The following ALMS1 variants were observed in gnomAD, a reference collection of about 807,000 sequenced individuals.
ALMS1 encodes ALMS1 centrosome and basal body associated protein, also known as centrosome-associated protein ALMS1.
Under a neutral mutation model 352.2 loss-of-function variants are expected in ALMS1, and 271 were observed. The ratio of observed to expected loss-of-function variants is 0.77; its 90% CI spans 0.70 to 0.85. The LOEUF (loss-of-function observed/expected upper bound fraction) is 0.85, where lower values mean the gene tolerates loss of function less well. Among genes scored for constraint, ALMS1 ranks in the 40% least tolerant of loss-of-function variants. ALMS1 has a pLI of 0.00. For synonymous variants in ALMS1, 1,865 were observed against 1,761.2 expected (o/e 1.06, Z -1.48); for missense variants, 5,445 against 4,870.7 (o/e 1.12, Z -3.51).
intron 1 of ALMS1, among the ~76,000 whole-genome samples, chr2:73,389,262 T>G (rs1670595387): frequency 6.6e-6 from 1 of 152,168 alleles, no homozygotes; most frequent in African/African-American, 2.4e-5. Flanking sequence ...TGTTCAGTCT[T>G]TTGCCCGCTT....
At chr2:73,527,616 C>T (rs1324113397) in intron 11 of ALMS1, among the ~76,000 whole-genome samples, 1 of 151,902 alleles carries the variant, frequency 6.6e-6, no homozygotes, top group Non-Finnish European at 1.5e-5. Context: ...TAATGTCTCC[C>T]TTCTTAATCT....
chr2:73,485,214 T>C (rs917453270), intron 9 of ALMS1, among the ~76,000 whole-genome samples: 22 of 152,236 alleles, frequency 1.4e-4, no homozygotes, highest in African/African-American at 3.4e-4. Context: ...TTTTATCTAC[T>C]TTTGGTCTTT....
chr2:73,452,819 A>G lies in ALMS1; in HGVS notation c.6292A>G (p.Arg2098Gly), dbSNP rs774256170. 1.2e-6 allele frequency: 2 copies of G among 1,613,718 alleles called. No homozygotes were observed. The highest frequency in any genetic ancestry group is 3.3e-5 in the Admixed American group (2 of 59,942). The stretch of plus-strand genomic sequence containing the variant: ...ATCTCTCTCTAGTTCTTATTTTCAC[A>G]GAGAGAAATCGAATATTTTCAGTCC... The part of the protein sequence containing the change: ...PVSLSSSYFH[R>G]EKSNIFSPQE... Residue 2098 changes from arginine to glycine, a missense_variant, in exon 8 of 23, where the codon AGA (arginine) becomes GGA (glycine). Physicochemically the swap from Arg to Gly is moderately radical, Grantham distance 125. Transcript: ENST00000613296.
At chr2:73,428,954 A>G (rs913080862) in intron 6 of ALMS1, among the ~76,000 whole-genome samples, 3 of 152,184 alleles carry the variant, frequency 2.0e-5, no homozygotes, top group Non-Finnish European at 4.4e-5. Context: ...GTATCCACGT[A>G]TGTATGATGG....
In ALMS1 at chr2:73,474,423, A is replaced by G. The variant is rs184720279; in HGVS notation, c.7675-15211A>G. 3.0e-3 allele frequency among the ~76,000 whole-genome samples: 379 copies of G among 125,022 alleles called. 4 individuals carry two copies. The highest frequency in any genetic ancestry group is 0.013 in the African/African-American group (365 of 28,972). 82.0% of individuals were successfully genotyped at this position (125,022 alleles called of 152,430 possible). ...TGTGTGTGTGTGTCTATTGGTTTAC[A>G]TGACGGTGAAGAACTACTTATTTCT... On this transcript the variant is annotated intron_variant, in intron 9 of 22. Transcript: ENST00000613296.
chr2:73,588,833 A>G (rs1573043646), intron 16 of ALMS1, among the ~76,000 whole-genome samples: 1 of 152,184 alleles, frequency 6.6e-6, no homozygotes, highest in Non-Finnish European at 1.5e-5. Flanking sequence ...TTAATGTTTC[A>G]TATATTTTTG....
chr2:73,475,146 A>G (rs1016725730), intron 9 of ALMS1, among the ~76,000 whole-genome samples: 1 of 152,144 alleles, frequency 6.6e-6, no homozygotes, highest in Non-Finnish European at 1.5e-5. Context: ...ATTAGTTGGT[A>G]GACATTTGGA....
rs1671976611 is a variant in ALMS1 at position 73,452,834 on chromosome 2, A to G, written c.6307A>G (p.Ile2103Val). 1 of 1,613,842 alleles carries G rather than the reference A, an allele frequency of 6.2e-7. No homozygotes were observed. Among genetic ancestry groups the G allele is most frequent in the Non-Finnish European group, 8.5e-7 (1 of 1,179,974 alleles). Residue 2103 changes from isoleucine to valine, a missense_variant, in exon 8 of 23, where the codon ATT becomes GTT. Transcript: ENST00000613296. ...TTATTTTCACAGAGAGAAATCGAATATTTTCAGTCCACAGGAATTGCCAGG... is the reference window on the plus strand; with the variant it reads ...TTATTTTCACAGAGAGAAATCGAATGTTTTCAGTCCACAGGAATTGCCAGG... ...SSYFHREKSN[I>V]FSPQELPGSH...
chr2:73,565,263 G>T (rs1674778945), intron 15 of ALMS1, among the ~76,000 whole-genome samples: 1 of 152,054 alleles, frequency 6.6e-6, no homozygotes, highest in Non-Finnish European at 1.5e-5. Flanking sequence ...CTTTTGTGGT[G>T]CCAGAAAGTA....
At chr2:73,488,328 G>A (rs1004081415) in intron 9 of ALMS1, among the ~76,000 whole-genome samples, 1 of 152,230 alleles carries the variant, frequency 6.6e-6, no homozygotes. Flanking sequence ...CCAAGTGTGC[G>A]CACACCTGGC....
chr2:73,442,339 A>G (rs369923641), intron 7 of ALMS1, among the ~76,000 whole-genome samples: 13 of 152,130 alleles, frequency 8.5e-5, no homozygotes, highest in East Asian at 3.8e-4. Context: ...CTGACCTATG[A>G]TGATGGGCAC....
chr2:73,402,517 C>T (rs1346331471), intron 1 of ALMS1, among the ~76,000 whole-genome samples: 10 of 151,914 alleles, frequency 6.6e-5, no homozygotes, highest in Admixed American at 1.3e-4. Context: ...CAGTGATCCT[C>T]CCACCGTGTT....
chr2:73,415,138 T>A (rs1671160888), intron 2 of ALMS1, among the ~76,000 whole-genome samples: 1 of 152,212 alleles, frequency 6.6e-6, no homozygotes, highest in African/African-American at 2.4e-5. Context: ...AGAATGCTTA[T>A]ATGTTGTCCC....
chr2:73,404,145 C>T (rs748468474), intron 1 of ALMS1, among the ~76,000 whole-genome samples: 8 of 152,196 alleles, frequency 5.3e-5, no homozygotes, highest in South Asian at 2.1e-4. Flanking sequence ...GTGATCCACC[C>T]GCCTTGGCCT....
chr2:73,600,473 A>G (rs1675651760), intron 17 of ALMS1, among the ~76,000 whole-genome samples: 1 of 152,124 alleles, frequency 6.6e-6, no homozygotes, highest in Non-Finnish European at 1.5e-5. Context: ...AGTTACAAAT[A>G]AAACCCTTTC....
chr2:73,461,135 G>A (rs1464091003), intron 9 of ALMS1, among the ~76,000 whole-genome samples: 2 of 152,222 alleles, frequency 1.3e-5, no homozygotes, highest in Non-Finnish European at 2.9e-5. Flanking sequence ...TGGGCAGACT[G>A]CCTCCTCAAG....
At chr2:73,595,558 T>G (rs1056214610) in intron 16 of ALMS1, among the ~76,000 whole-genome samples, 1 of 152,230 alleles carries the variant, frequency 6.6e-6, no homozygotes, top group Non-Finnish European at 1.5e-5. Flanking sequence ...ACATTTGGAT[T>G]GTTTGATTTT....
intron 22 of ALMS1, among the ~76,000 whole-genome samples, chr2:73,608,807 G>T (rs2104217064): frequency 6.6e-6 from 1 of 152,312 alleles, no homozygotes; most frequent in Non-Finnish European, 1.5e-5. Flanking sequence ...GCATTCGTTT[G>T]CAGTGAAACC....
intron 12 of ALMS1, among the ~76,000 whole-genome samples, chr2:73,543,445 C>G (rs1011303852): frequency 6.6e-6 from 1 of 152,192 alleles, no homozygotes; most frequent in African/African-American, 2.4e-5. Flanking sequence ...CCATTCAGGA[C>G]ACAGGCATGG....
Sources: allele counts gnomAD v4.1 joint callset (sites outside exome capture counted in the v4.1 genomes callset), GRCh38; gene constraint gnomAD v4.1.1; transcripts MANE v1.5; gene names NCBI Gene and HGNC (gene_info 2026-07-23, HGNC 2026-07-21).